The following EPHA5 variants were observed in gnomAD, a reference collection of about 807,000 sequenced individuals.
EPHA5 encodes the protein EPH receptor A5.
In EPHA5, 60 loss-of-function variants were observed where a neutral mutation model predicts 105.0. That is an observed-to-expected ratio of 0.57 (90% confidence interval 0.46 to 0.71). The LOEUF (loss-of-function observed/expected upper bound fraction) is 0.71. Among genes scored for constraint, EPHA5 ranks in the 30% least tolerant of loss-of-function variants. The probability of loss-of-function intolerance (pLI) is 0.00; values close to 1 mark genes in which losing one functional copy is unlikely to be tolerated. For missense variants in EPHA5, 1,218 were observed against 1,274.7 expected (o/e 0.96, Z 0.68); for synonymous variants, 513 against 449.1 (o/e 1.14, Z -1.80).
intron 3 of EPHA5, among the ~76,000 whole-genome samples, chr4:65,498,046 T>A (rs1732119329): frequency 6.6e-6 from 1 of 151,958 alleles, no homozygotes; most frequent in African/African-American, 2.4e-5. Context: ...GAGATTTCCC[T>A]CAGGAAGCTG....
chr4:65,616,574 T>C (rs1745261056), intron 2 of EPHA5, among the ~76,000 whole-genome samples: 2 of 151,850 alleles, frequency 1.3e-5, no homozygotes, highest in Admixed American at 1.3e-4. Flanking sequence ...ATAATTCAGA[T>C]TTACCTGACT....
intron 3 of EPHA5, among the ~76,000 whole-genome samples, chr4:65,517,150 A>C (rs34750503): frequency 1.3e-5 from 2 of 151,780 alleles, no homozygotes; most frequent in Non-Finnish European, 2.9e-5. Flanking sequence ...GACTTTTTAA[A>C]TGTACATATT....
chr4:65,501,545 C>A (rs768948596), intron 3 of EPHA5, among the ~76,000 whole-genome samples: 2 of 151,340 alleles, frequency 1.3e-5, no homozygotes, highest in Non-Finnish European at 3.0e-5. Flanking sequence ...TACATTGAAC[C>A]AAGGAGGTGA....
chr4:65,601,746 C>A lies in EPHA5; in HGVS notation c.805G>T (p.Asp269Tyr), dbSNP rs773032839. The change falls in exon 3 of 17, where the codon GAT (aspartate) becomes TAT (tyrosine). Residue 269 changes from aspartate to tyrosine, a missense_variant. By Grantham distance (160) the Asp-to-Tyr change is radical. Coordinates refer to ENST00000613740, the MANE Select transcript of EPHA5 (RefSeq NM_001281766.3). The stretch of plus-strand genomic sequence containing the variant: ...CTGCAGTGCATTTTGGGAGGTTCAT[C>A]GGTCACAGAATGGTTGACACAGGAG... ...SGSCVNHSVT[D>Y]EPPKMHCSAE... 1 of 1,614,094 alleles carries A rather than the reference C, an allele frequency of 6.2e-7. No individual in the cohort carries two copies. The highest frequency in any genetic ancestry group is 2.2e-5 in the East Asian group (1 of 44,856).
chr4:65,459,170 C>T (rs1171872150), intron 5 of EPHA5, among the ~76,000 whole-genome samples: 2 of 151,988 alleles, frequency 1.3e-5, no homozygotes, highest in Admixed American at 1.3e-4. Flanking sequence ...GGACCATACT[C>T]AATACTTAGT....
intron 1 of EPHA5, among the ~76,000 whole-genome samples, chr4:65,645,395 C>T (rs1056644850): frequency 6.6e-5 from 10 of 152,170 alleles, no homozygotes; most frequent in Non-Finnish European, 1.5e-4. Context: ...ACTAAGGGTG[C>T]TAATGACGGC....
intron 5 of EPHA5, among the ~76,000 whole-genome samples, chr4:65,481,925 T>A (rs905432345): frequency 6.6e-6 from 1 of 152,200 alleles, no homozygotes; most frequent in African/African-American, 2.4e-5. Flanking sequence ...GTTCAGACAC[T>A]TGGAGTTCTT....
At chr4:65,566,514 T>G (rs1739549515) in intron 3 of EPHA5, among the ~76,000 whole-genome samples, 1 of 151,830 alleles carries the variant, frequency 6.6e-6, no homozygotes, top group Non-Finnish European at 1.5e-5. Context: ...CTTTCTTCAA[T>G]TCCACCCACC....
chr4:65,420,657 C>A (rs561069650), intron 5 of EPHA5, 92 bp from the exon 6 acceptor site: 2 of 1,171,258 alleles, frequency 1.7e-6, no homozygotes, highest in South Asian at 1.9e-5. Context: ...ATTTTGAGAA[C>A]GTAGCAATAT....
At chr4:65,618,798 T>C (rs920872417) in intron 2 of EPHA5, among the ~76,000 whole-genome samples, 3 of 152,186 alleles carry the variant, frequency 2.0e-5, no homozygotes, top group African/African-American at 7.2e-5. Context: ...AGAGAGCCAA[T>C]AAATGAGTAA....
intron 8 of EPHA5, among the ~76,000 whole-genome samples, chr4:65,388,437 G>GT (rs1222347544): frequency 6.6e-6 from 1 of 150,482 alleles, no homozygotes; most frequent in African/African-American, 2.4e-5. Context: ...CCCACCAACA[G>GT]TGTAAAAGTG....
intron 3 of EPHA5, among the ~76,000 whole-genome samples, chr4:65,535,582 T>C (rs561371654): frequency 6.6e-6 from 1 of 152,280 alleles, no homozygotes; most frequent in African/African-American, 2.4e-5. Flanking sequence ...TTACACTTAG[T>C]TATTATATTA....
At chr4:65,643,590 CAGG>C (rs1212993475) in intron 1 of EPHA5, among the ~76,000 whole-genome samples, 163 bp from the exon 2 acceptor site, 1 of 151,282 alleles carries the variant, frequency 6.6e-6, no homozygotes, top group Non-Finnish European at 1.5e-5. Context: ...TATATTGATG[CAGG>C]AGAACAAATG....
chr4:65,586,506 A>G (rs976988004), intron 3 of EPHA5, among the ~76,000 whole-genome samples: 2 of 151,826 alleles, frequency 1.3e-5, no homozygotes, highest in African/African-American at 4.8e-5. Flanking sequence ...ATTTTTCTTC[A>G]TATCAGTGCT....
chr4:65,505,676 T>G (rs1338518249), intron 3 of EPHA5, among the ~76,000 whole-genome samples: 3 of 152,054 alleles, frequency 2.0e-5, no homozygotes, highest in African/African-American at 7.2e-5. Context: ...TTGCAAATTT[T>G]TCAACATATT....
intron 7 of EPHA5, among the ~76,000 whole-genome samples, chr4:65,407,876 C>T (rs531416143): frequency 2.0e-5 from 3 of 152,058 alleles, no homozygotes; most frequent in South Asian, 2.1e-4. Context: ...CCACCTCAAC[C>T]TTCCGAGTAG....
intron 6 of EPHA5, among the ~76,000 whole-genome samples, chr4:65,417,160 T>A (rs1487137503): frequency 6.6e-6 from 1 of 152,156 alleles, no homozygotes; most frequent in Non-Finnish European, 1.5e-5. Flanking sequence ...AATGAGCCCA[T>A]CATCACACGG....
intron 7 of EPHA5, among the ~76,000 whole-genome samples, chr4:65,404,912 AT>A (rs963672087): frequency 2.4e-4 from 36 of 152,162 alleles, no homozygotes; most frequent in Non-Finnish European, 4.3e-4. Flanking sequence ...CCCAGATGGG[AT>A]TTTTTTCCCC....
intron 3 of EPHA5, among the ~76,000 whole-genome samples, chr4:65,569,036 T>G (rs1217251662): frequency 6.6e-6 from 1 of 151,416 alleles, no homozygotes; most frequent in Non-Finnish European, 1.5e-5. Context: ...AGCTCACTAT[T>G]TTATTTCAGA....
Sources: gnomAD v4.1 joint callset for allele counts (sites outside exome capture counted in the v4.1 genomes callset) on GRCh38, gnomAD v4.1.1 for gene constraint, MANE v1.5 for transcripts, NCBI Gene and HGNC (gene_info 2026-07-23, HGNC 2026-07-21) for gene names.